CENPP: variants seen among roughly 807,000 people sequenced by gnomAD.
The protein encoded by CENPP is centromere protein P.
A neutral mutation model predicts 35.6 loss-of-function variants in CENPP; 24 were observed. The ratio of observed to expected loss-of-function variants is 0.67; its 90% CI spans 0.49 to 0.95. The LOEUF (loss-of-function observed/expected upper bound fraction) is 0.95. CENPP is among the 40% of genes least tolerant of loss of function. CENPP has a pLI of 0.00. For missense variants in CENPP, 332 were observed against 345.3 expected (o/e 0.96, Z 0.31); for synonymous variants, 120 against 125.5 (o/e 0.96, Z 0.29).
chr9:92,517,014 CAGA>C (rs71640591), intron 5 of CENPP: 6,048 of 152,462 alleles, frequency 0.04, 183 homozygotes, highest in South Asian at 0.098. Context: ...AGGCTTTTCT[CAGA>C]GGAGACTGGG....
At chr9:92,434,510 A>AT (rs1844200325) in intron 5 of CENPP, among the ~76,000 whole-genome samples, 1 of 152,210 alleles carries the variant, frequency 6.6e-6, no homozygotes, top group Admixed American at 6.5e-5. Context: ...CTAAATAAAC[A>AT]TAAGTATTGG....
chr9:92,398,932 C>T lies in CENPP; in HGVS notation c.564+19073C>T, dbSNP rs939610236. Among the ~76,000 whole-genome samples, 3 of 151,884 alleles carry T rather than the reference C, an allele frequency of 2.0e-5. No homozygotes were observed. In the South Asian group the frequency reaches 6.2e-4, roughly 31 times the overall value. On this transcript the variant is annotated intron_variant, in intron 5 of 7. Transcript: ENST00000375587. ...AATAAATTAGCCTGGCGTGGTGGCG[C>T]GTGCCTGTAATCCCAGCTACTCGGA...
At chr9:92,521,302 A>G (rs771950001) in intron 5 of CENPP, among the ~76,000 whole-genome samples, 2 of 152,166 alleles carry the variant, frequency 1.3e-5, no homozygotes, top group Admixed American at 6.5e-5. Context: ...TTCCATTATT[A>G]TAGCTTAGCC....
At chr9:92,368,365 C>T (rs896725293) in intron 4 of CENPP, among the ~76,000 whole-genome samples, 6 of 152,228 alleles carry the variant, frequency 3.9e-5, no homozygotes, top group African/African-American at 9.6e-5. Context: ...AAATCTGAAA[C>T]GCTTCTGGTA....
chr9:92,500,705 A>G (rs748708631), intron 5 of CENPP: 1 of 1,589,970 alleles, frequency 6.3e-7, no homozygotes, highest in Admixed American at 1.7e-5. Flanking sequence ...TTAAACAGAT[A>G]CTTGAAAAAG....
chr9:92,441,910 G>A (rs1382117118), intron 5 of CENPP, among the ~76,000 whole-genome samples: 2 of 152,110 alleles, frequency 1.3e-5, no homozygotes, highest in Non-Finnish European at 2.9e-5. Context: ...TGATAGTAAG[G>A]AAATATTGTC....
intron 5 of CENPP, among the ~76,000 whole-genome samples, chr9:92,532,120 C>G (rs1252432978): frequency 6.8e-6 from 1 of 146,386 alleles, no homozygotes; most frequent in African/African-American, 2.6e-5. Context: ...CTCAACCTTT[C>G]GAGTAGCTGG....
intron 5 of CENPP, among the ~76,000 whole-genome samples, chr9:92,453,891 A>G (rs1844793128): frequency 6.6e-6 from 1 of 152,300 alleles, no homozygotes; most frequent in Admixed American, 6.5e-5. Flanking sequence ...AGTCTGAGAC[A>G]GGAAGATCAC....
At chr9:92,533,303 C>CAAACAA (rs1223222898) in intron 5 of CENPP, among the ~76,000 whole-genome samples, 12 of 29,872 alleles carry the variant, frequency 4.0e-4, no homozygotes, top group Admixed American at 5.8e-4. Flanking sequence ...CGGTCTCAAA[C>CAAACAA]AAAAAAAAAA....
intron 5 of CENPP, chr9:92,500,979 T>G (rs781662954): frequency 6.2e-7 from 1 of 1,614,132 alleles, no homozygotes; most frequent in Non-Finnish European, 8.5e-7. Flanking sequence ...GAGTACTAGG[T>G]GCAGCAAGGA....
At chr9:92,474,323 T>G (rs1216254381) in intron 5 of CENPP, among the ~76,000 whole-genome samples, 1 of 152,208 alleles carries the variant, frequency 6.6e-6, no homozygotes, top group Non-Finnish European at 1.5e-5. Context: ...CACCCTGAGA[T>G]AGAACTGCAT....
intron 5 of CENPP, chr9:92,416,878 C>G: frequency 6.2e-7 from 1 of 1,613,960 alleles, no homozygotes; most frequent in Non-Finnish European, 8.5e-7. Context: ...AACCAGGAGG[C>G]ATTGATTCTA....
intron 5 of CENPP, among the ~76,000 whole-genome samples, chr9:92,483,970 G>A (rs1416727530): frequency 3.9e-5 from 6 of 152,146 alleles, no homozygotes; most frequent in African/African-American, 1.4e-4. Context: ...ATTTATTCAA[G>A]TATATTTCAG....
intron 5 of CENPP, among the ~76,000 whole-genome samples, chr9:92,600,993 T>C (rs72754485): frequency 0.047 from 7,155 of 152,234 alleles, 208 homozygotes; most frequent in South Asian, 0.11. Context: ...AGCCAGCAAG[T>C]TGCTGTGCTC....
At chr9:92,428,360 A>C (rs1844021154) in intron 5 of CENPP, among the ~76,000 whole-genome samples, 1 of 152,338 alleles carries the variant, frequency 6.6e-6, no homozygotes, top group East Asian at 1.9e-4. Flanking sequence ...CTTATTAAAA[A>C]TTCAGGTTCC....
chr9:92,597,524 G>A (rs1461676276), intron 5 of CENPP, among the ~76,000 whole-genome samples: 1 of 152,064 alleles, frequency 6.6e-6, no homozygotes, highest in Non-Finnish European at 1.5e-5. Flanking sequence ...AATTTTCTGT[G>A]TATATCTGGA....
intron 5 of CENPP, among the ~76,000 whole-genome samples, chr9:92,405,378 A>G (rs1379007848): frequency 6.6e-6 from 1 of 152,132 alleles, no homozygotes. Flanking sequence ...TTTAACAAAT[A>G]TGGATATATA....
intron 5 of CENPP, chr9:92,495,968 A>G: frequency 2.0e-6 from 2 of 989,380 alleles, no homozygotes; most frequent in Non-Finnish European, 2.4e-6. Flanking sequence ...AAAGGGACTT[A>G]CAGAGTTCTC....
chr9:92,328,737 A>G (rs561142539), intron 1 of CENPP, among the ~76,000 whole-genome samples: 32 of 152,368 alleles, frequency 2.1e-4, no homozygotes, highest in Middle Eastern at 6.8e-3. Context: ...AAGTGAATAA[A>G]ATTCAAACAA....
Sources: gnomAD v4.1 joint callset for allele counts (sites outside exome capture counted in the v4.1 genomes callset) on GRCh38, gnomAD v4.1.1 for gene constraint, MANE v1.5 for transcripts, NCBI Gene and HGNC (gene_info 2026-07-23, HGNC 2026-07-21) for gene names.